YAP1: variants seen among roughly 807,000 people sequenced by gnomAD.
The protein encoded by YAP1 is transcriptional coactivator YAP1.
A neutral mutation model predicts 56.9 loss-of-function variants in YAP1; 5 were observed. The observed-to-expected ratio is 0.09, with a 90% CI of 0.05 to 0.18. The LOEUF is 0.18. Ranked by LOEUF, YAP1 falls within the 10% of genes least tolerant of loss-of-function variation. The pLI, the probability that YAP1 is intolerant of heterozygous loss-of-function variation, is 1.00. For missense variants in YAP1, 539 were observed against 651.8 expected (o/e 0.83, Z 1.88); for synonymous variants, 265 against 248.1 (o/e 1.07, Z -0.64).
At position 102,110,569 on chromosome 11, in the gene YAP1, T is replaced by C. The variant is rs377378231; in HGVS notation, c.-280T>C. On this transcript the variant is annotated 5_prime_UTR_variant, in exon 1 of 9. Transcript: ENST00000282441. The stretch of plus-strand genomic sequence containing the variant: ...GCTGTCCGGCCTCCGTCAAGGGAGT[T>C]GGAGGGAAAAAGTTCTCAGGCGCCG... The C allele has an allele frequency of 4.8e-4, 98 of 205,736 alleles. No individual in the cohort carries two copies. The South Asian group carries it at 0.017, about 37-fold the overall frequency. The allele number at this position is 205,736 out of a possible 1,614,324, so 12.7% of individuals were successfully genotyped here. A position where few individuals can be genotyped will look rare whatever the true frequency, so the allele number is the denominator to read the frequency against.
intron 2 of YAP1, among the ~76,000 whole-genome samples, chr11:102,131,269 C>A (rs1381591970): frequency 1.3e-5 from 2 of 152,208 alleles, no homozygotes; most frequent in African/African-American, 2.4e-5. Context: ...CCATTCTTTT[C>A]TGTGAACTCA....
chr11:102,151,886 G>C (rs1257486955), intron 2 of YAP1, among the ~76,000 whole-genome samples: 1 of 152,138 alleles, frequency 6.6e-6, no homozygotes, highest in Non-Finnish European at 1.5e-5. Flanking sequence ...TTTTAATTAT[G>C]TACAGAGTGA....
In YAP1 at chr11:102,215,742, G is replaced by A. The variant is rs534054819; in HGVS notation, c.1032+6178G>A. Reference sequence around the variant, plus strand: ...GATCCACCTGCCTTGGCCTCCCAAAGTGTTGGGATTACAGTCATGAGCCAC... The same window carrying A: ...GATCCACCTGCCTTGGCCTCCCAAAATGTTGGGATTACAGTCATGAGCCAC... On this transcript the variant is annotated intron_variant, in intron 6 of 8. Transcript: ENST00000282441. 2.6e-5 allele frequency among the ~76,000 whole-genome samples: 4 copies of A among 152,326 alleles called. No individual in the cohort carries two copies. The South Asian group carries it at 8.3e-4, about 32-fold the overall frequency.
chr11:102,127,764 A>G (rs112623834), intron 2 of YAP1, among the ~76,000 whole-genome samples: 1,634 of 152,314 alleles, frequency 0.011, 35 homozygotes, highest in African/African-American at 0.038. Context: ...GCAGGCACTC[A>G]GTGCCAGCCT....
chr11:102,213,256 G>A (rs1190344240), intron 6 of YAP1, among the ~76,000 whole-genome samples: 1 of 151,632 alleles, frequency 6.6e-6, no homozygotes, highest in Non-Finnish European at 1.5e-5. Context: ...AGGCCAAGGC[G>A]GGTGGATCAC....
intron 4 of YAP1, among the ~76,000 whole-genome samples, chr11:102,199,043 GGA>G (rs1327485638): frequency 6.6e-6 from 1 of 152,186 alleles, no homozygotes; most frequent in Non-Finnish European, 1.5e-5. Flanking sequence ...TGGAGGAGAA[GGA>G]GAGAGGTATA....
In YAP1 at chr11:102,177,079, A is replaced by G. The variant is rs901034474; in HGVS notation, c.689-8939A>G. On this transcript the variant is annotated intron_variant, in intron 3 of 8. Transcript: ENST00000282441. ...AGTTAGCTAAGCAAAGAAGGTAGAG[A>G]GAAGAGTTCCTGCAGGGAGCAACTG... is the stretch of plus-strand genomic sequence containing the variant. 2.6e-5 allele frequency among the ~76,000 whole-genome samples: 4 copies of G among 152,122 alleles called. No homozygotes were observed. The South Asian group carries it at 6.2e-4, about 24-fold the overall frequency.
At position 102,186,049 on chromosome 11, in the gene YAP1, G is replaced by A. The variant is rs769737415; in HGVS notation, c.720G>A (p.Met240Ile). The A allele has an allele frequency of 1.9e-5, 31 of 1,606,630 alleles. No homozygotes were observed. The African/African-American group carries it at 3.9e-4, about 20-fold the overall frequency. ...GPLPDGWEQAMTQDGEIYYIN... is the reference protein window; with the variant it reads ...GPLPDGWEQAITQDGEIYYIN... The stretch of plus-strand genomic sequence containing the variant: ...TTCCTGATGGATGGGAACAAGCCAT[G>A]ACTCAGGATGGAGAAATTTACTATA... Residue 240 changes from methionine to isoleucine, a missense_variant, in exon 4 of 9, where the codon ATG becomes ATA. Around this residue, in one of 4 missense-constraint regions of YAP1, gnomAD observed 414 missense variants for 512.4 expected, o/e 0.81. Coordinates refer to ENST00000282441, the MANE Select transcript of YAP1 (RefSeq NM_001130145.3).
At chr11:102,173,463 G>C (rs147681838) in intron 3 of YAP1, among the ~76,000 whole-genome samples, 1,709 of 152,068 alleles carry the variant, frequency 0.011, 12 homozygotes, top group Non-Finnish European at 0.019. Flanking sequence ...TACTTCCTTA[G>C]GTATAGTATA....
intron 2 of YAP1, among the ~76,000 whole-genome samples, chr11:102,144,387 C>T (rs1043865800): frequency 1.3e-5 from 2 of 152,108 alleles, no homozygotes; most frequent in Non-Finnish European, 2.9e-5. Context: ...AAGAAAGTTA[C>T]CTTATGCCAT....
intron 2 of YAP1, among the ~76,000 whole-genome samples, chr11:102,141,138 A>C (rs1423725799): frequency 6.6e-6 from 1 of 152,168 alleles, no homozygotes; most frequent in Non-Finnish European, 1.5e-5. Flanking sequence ...GAGTCTACCT[A>C]GATTTTTCCT....
At chr11:102,158,302 T>A (rs1386217911) in intron 2 of YAP1, among the ~76,000 whole-genome samples, 1 of 152,248 alleles carries the variant, frequency 6.6e-6, no homozygotes, top group African/African-American at 2.4e-5. Flanking sequence ...ATTGAGAGTT[T>A]CAGAGGTTGC....
At chr11:102,186,524 T>C (rs1947957257) in intron 4 of YAP1, 1 of 248,514 alleles carries the variant, frequency 4.0e-6, no homozygotes, top group South Asian at 4.7e-5. Flanking sequence ...GATGTCTGCT[T>C]GTGCTTAGGT....
intron 3 of YAP1, among the ~76,000 whole-genome samples, chr11:102,180,689 A>G (rs957694114): frequency 8.9e-5 from 13 of 146,850 alleles, no homozygotes; most frequent in African/African-American, 3.3e-4. Flanking sequence ...CTCAAAAAAA[A>G]AAAAAAAAAA....
Position 102,110,767 on chromosome 11 carries a change from C to G in YAP1, c.-82C>G, listed in dbSNP as rs893215491. ...GCCCGCAGCCGTCGCCGCTTCTCCA[C>G]CTCGGCCCGTGGAGCCGGGGCGTCC... On this transcript the variant is annotated 5_prime_UTR_variant, in exon 1 of 9. Coordinates refer to ENST00000282441, the MANE Select transcript of YAP1 (RefSeq NM_001130145.3). 8.2e-7 allele frequency: 1 copy of G among 1,220,270 alleles called. No homozygotes were observed. The highest frequency in any genetic ancestry group is 1.0e-6 in the Non-Finnish European group (1 of 974,078). The allele number at this position is 1,220,270 out of a possible 1,614,324, so 75.6% of individuals were successfully genotyped here.
At chr11:102,132,290 A>G (rs533053443) in intron 2 of YAP1, among the ~76,000 whole-genome samples, 1 of 152,366 alleles carries the variant, frequency 6.6e-6, no homozygotes, top group South Asian at 2.1e-4. Context: ...AGAGCTGCCA[A>G]AAGGTTTTCT....
At chr11:102,209,631 A>C in intron 6 of YAP1, 67 bp downstream of exon 6, 2 of 1,414,402 alleles carry the variant, frequency 1.4e-6, no homozygotes, top group Non-Finnish European at 1.9e-6. Flanking sequence ...AGGAAAGAGA[A>C]ACTTACATTC....
At chr11:102,153,673 T>C (rs1945787641) in intron 2 of YAP1, among the ~76,000 whole-genome samples, 2 of 152,208 alleles carry the variant, frequency 1.3e-5, no homozygotes, top group South Asian at 4.1e-4. Flanking sequence ...AGAATTTCAA[T>C]GAAACTCCTA....
At chr11:102,186,383 C>CAGGA (rs1947946212) in intron 4 of YAP1, 2 of 361,990 alleles carry the variant, frequency 5.5e-6, no homozygotes, top group African/African-American at 4.4e-5. Flanking sequence ...TAACCAGAAT[C>CAGGA]ACTTGTTCCT....
Sources: gnomAD v4.1 joint callset for allele counts (sites outside exome capture counted in the v4.1 genomes callset) on GRCh38, gnomAD v4.1.1 for gene constraint, gnomAD v4.1.1 regional missense constraint, MANE v1.5 for transcripts, NCBI Gene and HGNC (gene_info 2026-07-23, HGNC 2026-07-21) for gene names.